The following SMARCA2 variants were observed in gnomAD, a reference collection of about 807,000 sequenced individuals.
The protein encoded by SMARCA2 is SWI/SNF related BAF chromatin remodeling complex subunit ATPase 2, also known as SWI/SNF-related matrix-associated actin-dependent regulator of chromatin subfamily A member 2.
SMARCA2 carries 61 observed loss-of-function variants against 199.8 expected under a neutral mutation model. The observed-to-expected ratio is 0.31, with a 90% CI of 0.25 to 0.38. The LOEUF (loss-of-function observed/expected upper bound fraction) is 0.38. SMARCA2 is among the 10% of genes least tolerant of loss of function. The probability of loss-of-function intolerance (pLI) is 1.00; values close to 1 mark genes in which losing one functional copy is unlikely to be tolerated. For missense variants in SMARCA2, 1,344 were observed against 2,012.2 expected (o/e 0.67, Z 6.35); for synonymous variants, 935 against 732.0 (o/e 1.28, Z -4.48).
At position 2,016,654 on chromosome 9, in the gene SMARCA2, G is replaced by A. The variant is rs1045186371; in HGVS notation, c.-37+1250G>A. Among the ~76,000 whole-genome samples the A allele has an allele frequency of 8.6e-5, 13 of 151,578 alleles. No individual in the cohort carries two copies. The highest frequency in any genetic ancestry group is 2.6e-4 in the Admixed American group (4 of 15,246). On this transcript the variant is annotated intron_variant, in intron 1 of 33. Coordinates refer to ENST00000349721, the MANE Select transcript of SMARCA2 (RefSeq NM_003070.5). The surrounding 1 kb of genome is among the most constrained non-coding windows in gnomAD (Gnocchi z 5.6). The stretch of plus-strand genomic sequence containing the variant: ...GGTGTGGTTCGCCCGGGAAGGGGAA[G>A]GGCTGCGGTGGGGAGGGAATAGGGG...
At chr9:2,141,416 T>C (rs1041480481) in intron 27 of SMARCA2, among the ~76,000 whole-genome samples, 1 of 152,218 alleles carries the variant, frequency 6.6e-6, no homozygotes, top group African/African-American at 2.4e-5. Context: ...AGTTTTACCT[T>C]CTTTCATATA....
At chr9:2,111,509 A>G (rs963778686) in intron 24 of SMARCA2, among the ~76,000 whole-genome samples, 1 of 151,220 alleles carries the variant, frequency 6.6e-6, no homozygotes, top group African/African-American at 2.4e-5. Context: ...AAAAAAAAAA[A>G]AGAAAAGCAA....
intron 15 of SMARCA2, among the ~76,000 whole-genome samples, chr9:2,082,558 CTGCTAGG>C (rs777622287): frequency 2.2e-4 from 33 of 152,122 alleles, no homozygotes; most frequent in Non-Finnish European, 4.4e-4. Flanking sequence ...AGTGCCTCAC[CTGCTAGG>C]TGGTTCTTAG....
At chr9:2,084,695 G>A (rs1247686354) in intron 17 of SMARCA2, among the ~76,000 whole-genome samples, 1 of 152,014 alleles carries the variant, frequency 6.6e-6, no homozygotes, top group African/African-American at 2.4e-5. Context: ...TGGTAGTCTT[G>A]TTTCAGGTTT....
chr9:2,172,238 GAA>G (rs34959070), intron 29 of SMARCA2, among the ~76,000 whole-genome samples: 45 of 150,064 alleles, frequency 3.0e-4, no homozygotes, highest in African/African-American at 1.1e-3. Flanking sequence ...ACTGAAAATG[GAA>G]AAAAAAAATG....
chr9:2,034,253 A>G (rs2130212037), intron 3 of SMARCA2, among the ~76,000 whole-genome samples: 1 of 152,128 alleles, frequency 6.6e-6, no homozygotes, highest in South Asian at 2.1e-4. Context: ...AAAAAAAAAA[A>G]AAAAAAAAAA....
At chr9:2,074,070 G>A (rs2066110) in intron 12 of SMARCA2, among the ~76,000 whole-genome samples, 25,913 of 152,038 alleles carry the variant, frequency 0.17, 3,210 homozygotes, top group African/African-American at 0.35. Flanking sequence ...AAAGGGCAAC[G>A]TGGGCTTGGT....
intron 29 of SMARCA2, among the ~76,000 whole-genome samples, chr9:2,179,801 G>GAGTC (rs1434481155): frequency 6.6e-6 from 1 of 152,224 alleles, no homozygotes; most frequent in Non-Finnish European, 1.5e-5. Context: ...CATTGAGGGA[G>GAGTC]AGTCAGGTGT....
At position 2,170,292 on chromosome 9, in the gene SMARCA2, C is replaced by G. The variant is rs1826177407; in HGVS notation, c.4200-127C>G. 4.3e-6 allele frequency: 5 copies of G among 1,167,334 alleles called. No individual in the cohort carries two copies. In the East Asian group the frequency reaches 1.3e-4, roughly 30 times the overall value. 72.3% of individuals were successfully genotyped at this position (1,167,334 alleles called of 1,614,324 possible). On this transcript the variant is annotated intron_variant, in intron 28 of 33. Coordinates refer to ENST00000349721, the MANE Select transcript of SMARCA2 (RefSeq NM_003070.5). This position sits in a 1 kb window ranked among gnomAD's most constrained non-coding sequence, Gnocchi z 4.7. ...GGTTCCAAACATAACCCCGTGTAATCTTCCTAACAAGGCAGGTTGGTGAGG... is the reference window on the plus strand; with the variant it reads ...GGTTCCAAACATAACCCCGTGTAATGTTCCTAACAAGGCAGGTTGGTGAGG...
chr9:2,151,194 C>T (rs10811540), intron 27 of SMARCA2, among the ~76,000 whole-genome samples: 68,242 of 151,094 alleles, frequency 0.45, 18,188 homozygotes, highest in Non-Finnish European at 0.57. Context: ...TGTTAGCGAG[C>T]GTCTGTTCAG....
chr9:2,094,582 A>G (rs888576963), intron 19 of SMARCA2, among the ~76,000 whole-genome samples: 2 of 152,234 alleles, frequency 1.3e-5, no homozygotes, highest in Non-Finnish European at 2.9e-5. Context: ...GGAAGCCTGA[A>G]AATCTCCTCA....
At chr9:2,075,602 A>T (rs1282056958) in intron 12 of SMARCA2, among the ~76,000 whole-genome samples, 1 of 152,208 alleles carries the variant, frequency 6.6e-6, no homozygotes, top group Admixed American at 6.5e-5. Context: ...GTGGACATAT[A>T]TGGGGCCATC....
At chr9:2,023,574 T>C (rs1457814053) in intron 1 of SMARCA2, among the ~76,000 whole-genome samples, 1 of 152,202 alleles carries the variant, frequency 6.6e-6, no homozygotes, top group South Asian at 2.1e-4. Context: ...GATCACATTA[T>C]GCATTGTTTA....
At chr9:2,162,055 A>T in intron 28 of SMARCA2, 152 bp downstream of exon 28, 2 of 575,024 alleles carry the variant, frequency 3.5e-6, no homozygotes, top group Non-Finnish European at 6.0e-6. Context: ...TACCTGTTTA[A>T]AATGGCCACT....
intron 2 of SMARCA2, among the ~76,000 whole-genome samples, chr9:2,032,110 A>T (rs541333030): frequency 1.2e-4 from 18 of 152,362 alleles, no homozygotes; most frequent in African/African-American, 4.3e-4. Flanking sequence ...CAAAACTGCA[A>T]ACACTCATAC....
At chr9:2,128,112 TC>T (rs1405042823) in intron 27 of SMARCA2, among the ~76,000 whole-genome samples, 2 of 152,162 alleles carry the variant, frequency 1.3e-5, no homozygotes, top group Non-Finnish European at 2.9e-5. Flanking sequence ...GTTTCTCTCT[TC>T]CCCGGGGGCT....
chr9:2,168,141 T>A (rs1826033192), intron 28 of SMARCA2, among the ~76,000 whole-genome samples: 1 of 151,702 alleles, frequency 6.6e-6, no homozygotes, highest in South Asian at 2.1e-4. Context: ...CCTCCAGAGT[T>A]GCTGGGATTA....
At chr9:2,151,727 C>G (rs1038160666) in intron 27 of SMARCA2, among the ~76,000 whole-genome samples, 1 of 151,530 alleles carries the variant, frequency 6.6e-6, no homozygotes, top group African/African-American at 2.4e-5. Context: ...AGCAAGACTT[C>G]GTATCAAAAA....
At chr9:2,090,588 A>G (rs1465830468) in intron 19 of SMARCA2, among the ~76,000 whole-genome samples, 2 of 152,238 alleles carry the variant, frequency 1.3e-5, no homozygotes, top group Non-Finnish European at 2.9e-5. Flanking sequence ...TCCTAATACC[A>G]TGCCAGGCAC....
Sources: allele counts gnomAD v4.1 joint callset (sites outside exome capture counted in the v4.1 genomes callset), GRCh38; gene constraint gnomAD v4.1.1; non-coding constraint Gnocchi (gnomAD v3.1); transcripts MANE v1.5; gene names NCBI Gene and HGNC (gene_info 2026-07-23, HGNC 2026-07-21).